The following KAZN variants were observed in gnomAD, a reference collection of about 807,000 sequenced individuals.
KAZN encodes the protein kazrin.
KAZN carries 40 observed loss-of-function variants against 87.4 expected under a neutral mutation model. The ratio of observed to expected loss-of-function variants is 0.46; its 90% CI spans 0.36 to 0.60. KAZN has a LOEUF of 0.60. KAZN is among the 20% of genes least tolerant of loss of function. The pLI is 0.00. For missense variants in KAZN, 898 were observed against 1,073.9 expected (o/e 0.84, Z 2.29); for synonymous variants, 466 against 458.3 (o/e 1.02, Z -0.22).
At chr1:14,077,428 A>T (rs1041670846) in intron 1 of KAZN, among the ~76,000 whole-genome samples, 32 of 152,204 alleles carry the variant, frequency 2.1e-4, no homozygotes, top group Admixed American at 7.2e-4. Flanking sequence ...AAAGACTTAC[A>T]TGTTACTCAA....
intron 2 of KAZN, among the ~76,000 whole-genome samples, chr1:14,452,198 C>T (rs1667315115): frequency 6.6e-6 from 1 of 152,138 alleles, no homozygotes. Context: ...CCTCGGCATC[C>T]CAAACTGCTA....
intron 1 of KAZN, among the ~76,000 whole-genome samples, chr1:14,691,247 T>G (rs751892870): frequency 5.3e-5 from 8 of 152,224 alleles, no homozygotes; most frequent in Non-Finnish European, 8.8e-5. Context: ...CCTGGTATTA[T>G]GTGGTCGATT....
intron 1 of KAZN, among the ~76,000 whole-genome samples, chr1:13,902,052 A>G (rs1317789786): frequency 2.0e-5 from 3 of 152,246 alleles, no homozygotes; most frequent in Non-Finnish European, 4.4e-5. Context: ...AATTACTGAT[A>G]CACACGGCCC....
intron 1 of KAZN, among the ~76,000 whole-genome samples, chr1:14,909,200 G>A (rs1443188842): frequency 2.6e-5 from 4 of 152,084 alleles, no homozygotes; most frequent in East Asian, 3.9e-4. Context: ...AGGGTTTGGC[G>A]GCACATGGTA....
intron 1 of KAZN, among the ~76,000 whole-genome samples, chr1:13,977,425 A>T (rs1041904904): frequency 2.0e-5 from 3 of 152,228 alleles, no homozygotes; most frequent in Admixed American, 6.5e-5. Context: ...GTTCTGCTGA[A>T]ATAGCTTAGA....
chr1:14,262,989 A>G (rs1003973263), intron 2 of KAZN, among the ~76,000 whole-genome samples: 8 of 152,202 alleles, frequency 5.3e-5, no homozygotes, highest in Non-Finnish European at 1.2e-4. Flanking sequence ...TTTATTTCTA[A>G]GTCAAATCAT....
chr1:14,185,330 A>C (rs955379428), intron 2 of KAZN, among the ~76,000 whole-genome samples: 6 of 152,168 alleles, frequency 3.9e-5, no homozygotes, highest in African/African-American at 1.4e-4. Flanking sequence ...CTTGAAGTCT[A>C]CTCATCCCAC....
chr1:14,944,207 C>T (rs891549162), intron 1 of KAZN, among the ~76,000 whole-genome samples: 3 of 148,942 alleles, frequency 2.0e-5, no homozygotes, highest in African/African-American at 7.6e-5. Flanking sequence ...CTGCCTCTTC[C>T]CGCTCCCAGC....
chr1:14,064,777 C>T (rs1291143524), intron 1 of KAZN, among the ~76,000 whole-genome samples: 1 of 152,162 alleles, frequency 6.6e-6, no homozygotes, highest in African/African-American at 2.4e-5. Flanking sequence ...GCTCAGGTGA[C>T]TGTGCTTCTC....
At chr1:14,971,399 C>CA (rs796260456) in intron 2 of KAZN, among the ~76,000 whole-genome samples, 2 of 151,828 alleles carry the variant, frequency 1.3e-5, no homozygotes, top group Non-Finnish European at 2.9e-5. Flanking sequence ...CTGTCTCAAA[C>CA]AAAAAAAGAA....
intron 1 of KAZN, among the ~76,000 whole-genome samples, chr1:13,909,573 C>T (rs1639574931): frequency 6.6e-6 from 1 of 152,162 alleles, no homozygotes; most frequent in Non-Finnish European, 1.5e-5. Flanking sequence ...CCTACACCCA[C>T]ATTTTCTTCA....
chr1:14,287,420 G>C (rs1451064026), intron 2 of KAZN, among the ~76,000 whole-genome samples: 3 of 152,098 alleles, frequency 2.0e-5, no homozygotes, highest in Non-Finnish European at 4.4e-5. Flanking sequence ...GGATTCCTAG[G>C]TATTTTATTC....
In KAZN at chr1:13,942,266, C is replaced by T. The variant is rs190393385; in HGVS notation, c.91+48510C>T. On this transcript the variant is annotated intron_variant, in intron 1 of 16. Coordinates refer to the KAZN transcript ENST00000636203. ...AGAAAAATATAATTCACCGGCCAGG[C>T]GCGGTGGCTCACGCCTGTAATCCCA... Among the ~76,000 whole-genome samples, 441 of 152,032 alleles carry T rather than the reference C, an allele frequency of 2.9e-3. 1 individual carries two copies. Among genetic ancestry groups the T allele is most frequent in the African/African-American group, 9.8e-3 (408 of 41,486 alleles).
chr1:14,085,717 T>C (rs909521707), intron 1 of KAZN, among the ~76,000 whole-genome samples: 1 of 152,212 alleles, frequency 6.6e-6, no homozygotes, highest in Admixed American at 6.5e-5. Flanking sequence ...ACTATAAACA[T>C]TCACATACAA....
intron 2 of KAZN, among the ~76,000 whole-genome samples, chr1:14,373,021 C>T (rs1660626580): frequency 6.6e-6 from 1 of 152,058 alleles, no homozygotes; most frequent in Non-Finnish European, 1.5e-5. Flanking sequence ...GGTGCCATTT[C>T]AGCTACAGCC....
chr1:15,114,034 G>A (rs539120413), intron 14 of KAZN: 136 of 156,614 alleles, frequency 8.7e-4, no homozygotes, highest in Non-Finnish European at 1.3e-3. Flanking sequence ...TCCAAAACTC[G>A]CATTCTTTCT....
intron 2 of KAZN, among the ~76,000 whole-genome samples, chr1:14,440,355 C>T (rs994306913): frequency 8.5e-5 from 13 of 152,178 alleles, no homozygotes; most frequent in Non-Finnish European, 8.8e-5. Context: ...GTACTGACAG[C>T]TGGAGAGACT....
chr1:15,089,732 CAAAAAAAAAAAAAAAAAAA>C (rs56260619), intron 8 of KAZN, among the ~76,000 whole-genome samples: 90 of 68,926 alleles, frequency 1.3e-3, no homozygotes, highest in South Asian at 7.8e-3. Flanking sequence ...CTTTTATTGG[CAAAAAAAAAAAAAAAAAAA>C]AAAAAAAAAA....
chr1:14,753,983 T>C (rs1185561631), intron 1 of KAZN, among the ~76,000 whole-genome samples: 1 of 152,066 alleles, frequency 6.6e-6, no homozygotes, highest in Non-Finnish European at 1.5e-5. Flanking sequence ...GTGCCGCAAA[T>C]GTGGGTGACC....
Sources: allele counts gnomAD v4.1 joint callset (sites outside exome capture counted in the v4.1 genomes callset), GRCh38; gene constraint gnomAD v4.1.1; transcripts MANE v1.5; gene names NCBI Gene and HGNC (gene_info 2026-07-23, HGNC 2026-07-21).